Variants in NEUROG3 observed in about 807,000 individuals in gnomAD.
NEUROG3 encodes neurogenin-3.
For missense variants in NEUROG3, 307 were observed against 297.9 expected (o/e 1.03, Z -0.22); for synonymous variants, 161 against 139.2 (o/e 1.16, Z -1.10).
rs779682904 is a variant in NEUROG3, at chr10:69,572,981, G to A, written c.63C>T (p.Phe21=). The change falls in exon 2 of 2, where the codon TTC becomes TTT. Residue 21 remains phenylalanine (F), a synonymous_variant. Transcript: ENST00000242462. Reference sequence around the variant, plus strand: ...TCACTTCGTCTTCCGAGGCTCTGGGGAAGGACCGCTCCGTCTCACGGGTCA... The same window carrying A: ...TCACTTCGTCTTCCGAGGCTCTGGGAAAGGACCGCTCCGTCTCACGGGTCA... ...VQVTRETERS[F]PRASEDEVTC... The A allele has an allele frequency of 2.5e-6, 4 of 1,613,670 alleles. No homozygotes were observed. The highest frequency in any genetic ancestry group is 2.2e-5 in the South Asian group (2 of 91,080).
At position 69,572,078 on chromosome 10, in the gene NEUROG3, G is replaced by T. The variant is rs995375150; in HGVS notation, c.*321C>A. On this transcript the variant is annotated 3_prime_UTR_variant, in exon 2 of 2. Transcript: ENST00000242462. Reference sequence around the variant, plus strand: ...CCCAAGACGGTGGGCGGCTCCGGCCGGGTAGTGCTACCATTCTAGTATTCT... The same window carrying T: ...CCCAAGACGGTGGGCGGCTCCGGCCTGGTAGTGCTACCATTCTAGTATTCT... The T allele has an allele frequency of 7.5e-6, 3 of 399,978 alleles. No individual in the cohort carries two copies. The highest frequency in any genetic ancestry group is 1.4e-5 in the Non-Finnish European group (3 of 219,790). 24.8% of individuals were successfully genotyped at this position (399,978 alleles called of 1,614,324 possible).
In NEUROG3 at chr10:69,572,330, T is replaced by C. The variant is rs41277232; in HGVS notation, c.*69A>G. The C allele has an allele frequency of 2.9e-5, 45 of 1,529,224 alleles. No individual in the cohort carries two copies. The highest frequency in any genetic ancestry group is 3.9e-5 in the Non-Finnish European group (44 of 1,138,646). 94.7% of individuals were successfully genotyped at this position (1,529,224 alleles called of 1,614,324 possible). On this transcript the variant is annotated 3_prime_UTR_variant, in exon 2 of 2. Transcript: ENST00000242462. Reference sequence around the variant, plus strand: ...TGAGGGCCGCCGCCGTCGGCCACCCTCTACGGCTCCCGGCTCCCTCCCTCT... The same window carrying C: ...TGAGGGCCGCCGCCGTCGGCCACCCCCTACGGCTCCCGGCTCCCTCCCTCT...
Position 69,572,550 on chromosome 10 carries a change from G to T in NEUROG3, c.494C>A (p.Ser165Tyr), listed in dbSNP as rs761527560. The T allele has an allele frequency of 1.2e-6, 2 of 1,609,836 alleles. No individual in the cohort carries two copies. The highest frequency in any genetic ancestry group is 1.7e-6 in the Non-Finnish European group (2 of 1,178,078). Residue 165 changes from serine (S) to tyrosine (Y), a missense_variant, in exon 2 of 2, where the codon TCC becomes TAC. Ser to Tyr is a moderately radical substitution (Grantham distance 144, BLOSUM62 -2). Transcript: ENST00000242462. The part of the protein sequence containing the change: ...HCGELGSPGG[S>Y]PGDWGSLYSP... The stretch of plus-strand genomic sequence containing the variant: ...GTAGAGGGACCCCCAGTCCCCGGGG[G>T]AACCGCCTGGGCTGCCCAGCTCCCC...
downstream of NEUROG3, chr10:69,571,617 G>A (rs1839209312): frequency 6.6e-6 from 1 of 152,160 alleles, no homozygotes; most frequent in Non-Finnish European, 1.5e-5. Flanking sequence ...CAGGGGAGGG[G>A]CCATATAATT....
At position 69,572,727 on chromosome 10, in the gene NEUROG3, AG is replaced by A; in HGVS notation, c.316del (p.Leu106CysfsTer30). ...MHNLNSALDA[L>X]RGVLPTFPDD... ...TGGGAAGGTGGGCAGGACACCGCGC[AG>A]GGCGTCCAGTGCCGAGTTGAGGTTG... On this transcript the variant is annotated frameshift_variant, in exon 2 of 2. Coordinates refer to ENST00000242462, the MANE Select transcript of NEUROG3 (RefSeq NM_020999.4). LOFTEE classifies it low-confidence loss of function (END_TRUNC). 1 of 1,614,134 alleles carries A rather than the reference AG, an allele frequency of 6.2e-7. No individual in the cohort carries two copies. Among genetic ancestry groups the A allele is most frequent in the Non-Finnish European group, 8.5e-7 (1 of 1,179,964 alleles).
Position 69,572,546 on chromosome 10 carries a change from G to T in NEUROG3, c.498C>A (p.Pro166=). 1.2e-6 allele frequency: 2 copies of T among 1,608,318 alleles called. No individual in the cohort carries two copies. Among genetic ancestry groups the T allele is most frequent in the Non-Finnish European group, 1.7e-6 (2 of 1,177,250 alleles). The change falls in exon 2 of 2, where the codon CCC becomes CCA. Residue 166 remains proline (P), a synonymous_variant. Transcript: ENST00000242462. The part of the protein sequence containing the change: ...CGELGSPGGS[P]GDWGSLYSPV... ...GGGAGTAGAGGGACCCCCAGTCCCC[G>T]GGGGAACCGCCTGGGCTGCCCAGCT...
At position 69,572,016 on chromosome 10, in the gene NEUROG3, A is replaced by T. The variant is rs1219413208; in HGVS notation, c.*383T>A. 2.1e-5 allele frequency: 6 copies of T among 279,560 alleles called. No individual in the cohort carries two copies. In the East Asian group the frequency reaches 4.8e-4, roughly 22 times the overall value. The allele number at this position is 279,560 out of a possible 1,614,324, so 17.3% of individuals were successfully genotyped here. ...CACATTGGAGGAGGGGTGGTAAGAG[A>T]CTGAGAGGCAGACAGACTTGAGTGA... On this transcript the variant is annotated 3_prime_UTR_variant, in exon 2 of 2. Transcript: ENST00000242462.
In NEUROG3 at chr10:69,572,969, C is replaced by G. The variant is rs1299066089; in HGVS notation, c.75G>C (p.Ser25=). 5.0e-6 allele frequency: 8 copies of G among 1,613,492 alleles called. No homozygotes were observed. Among genetic ancestry groups the G allele is most frequent in the Non-Finnish European group, 6.8e-6 (8 of 1,180,008 alleles). Residue 25 remains serine, a synonymous_variant, in exon 2 of 2, where the codon TCG becomes TCC. Transcript: ENST00000242462. The part of the protein sequence containing the change: ...RETERSFPRA[S]EDEVTCPTSA... ...ACGTGGGGCAGGTCACTTCGTCTTCCGAGGCTCTGGGGAAGGACCGCTCCG... is the reference window on the plus strand; with the variant it reads ...ACGTGGGGCAGGTCACTTCGTCTTCGGAGGCTCTGGGGAAGGACCGCTCCG...
rs2133226334 is a variant in NEUROG3, at chr10:69,572,299, T to C, written c.*100A>G. The C allele has an allele frequency of 4.4e-6, 6 of 1,350,968 alleles. No individual in the cohort carries two copies. Among genetic ancestry groups the C allele is most frequent in the Admixed American group, 2.0e-5 (1 of 49,294 alleles). The allele number at this position is 1,350,968 out of a possible 1,614,324, so 83.7% of individuals were successfully genotyped here. On this transcript the variant is annotated 3_prime_UTR_variant, in exon 2 of 2. Transcript: ENST00000242462. ...GCCAGGGAGAAGCAGAAGGAACAAG[T>C]GCTTTTGAGGGCCGCCGCCGTCGGC...
rs1201706401 is a variant in NEUROG3, at chr10:69,573,232, A to G, written c.-24T>C. 2 of 666,840 alleles carry G rather than the reference A, an allele frequency of 3.0e-6. No individual in the cohort carries two copies. The highest frequency in any genetic ancestry group is 1.8e-5 in the African/African-American group (1 of 54,966). 41.3% of individuals were successfully genotyped at this position (666,840 alleles called of 1,614,324 possible). A position where few individuals can be genotyped will look rare whatever the true frequency, so the allele number is the denominator to read the frequency against. On this transcript the variant is annotated 5_prime_UTR_variant, in exon 1 of 2. Transcript: ENST00000242462. ...TACCTTTCTACCGGCGCAAAAGAAT[A>G]GAGAGCGATGAGCAGCGAGGGCCGT...
rs1839214419 is a variant in NEUROG3, at chr10:69,571,976, A to C, written c.*423T>G. The C allele has an allele frequency of 4.9e-6, 1 of 204,886 alleles. No individual in the cohort carries two copies. The highest frequency in any genetic ancestry group is 9.9e-6 in the Non-Finnish European group (1 of 100,830). 12.7% of individuals were successfully genotyped at this position (204,886 alleles called of 1,614,324 possible). ...AAGGGGAGTAAGCGCTGAGAGACCA[A>C]ACATTGGATTGAATCACATTGGAGG... On this transcript the variant is annotated 3_prime_UTR_variant, in exon 2 of 2. Transcript: ENST00000242462.
rs1274537258 is a variant in NEUROG3, at chr10:69,571,736, G to T, written c.*663C>A. 6.6e-6 allele frequency: 1 copy of T among 152,254 alleles called. No individual in the cohort carries two copies. Among genetic ancestry groups the T allele is most frequent in the Non-Finnish European group, 1.5e-5 (1 of 68,046 alleles). The allele number at this position is 152,254 out of a possible 1,614,324, so 9.4% of individuals were successfully genotyped here. A position where few individuals can be genotyped will look rare whatever the true frequency, so the allele number is the denominator to read the frequency against. ...CTGCAGCGCAGCTCACGTTTCAGGCGCAGTTCGCAGGGAGGCTGGGGAGAT... is the reference window on the plus strand; with the variant it reads ...CTGCAGCGCAGCTCACGTTTCAGGCTCAGTTCGCAGGGAGGCTGGGGAGAT... On this transcript the variant is annotated 3_prime_UTR_variant, in exon 2 of 2. Transcript: ENST00000242462.
chr10:69,572,602 C>G lies in NEUROG3; in HGVS notation c.442G>C (p.Ala148Pro). The change falls in exon 2 of 2, where the codon GCG (alanine) becomes CCG (proline). Residue 148 changes from alanine (A) to proline (P), a missense_variant. By Grantham distance (27) the Ala-to-Pro change is conservative. Coordinates refer to ENST00000242462, the MANE Select transcript of NEUROG3 (RefSeq NM_020999.4). ...CAGTGCGGCGCCGGCGGCTCCAGCG[C>G]GTACAAGCTGTGGTCCGCTATGCGC... ...TLRIADHSLY[A>P]LEPPAPHCGE... is the part of the protein sequence containing the mutation. 1.2e-6 allele frequency: 2 copies of G among 1,613,968 alleles called. No individual in the cohort carries two copies. Among genetic ancestry groups the G allele is most frequent in the Non-Finnish European group, 8.5e-7 (1 of 1,179,914 alleles).
Position 69,573,150 on chromosome 10 carries a change from C to T in NEUROG3, c.-2+60G>A, listed in dbSNP as rs1034921401. ...ACAAAAACAGCCATCCTCCCAGCCCCCGCTGGGTCAGAGGATCCCTCTTTC... is the reference window on the plus strand; with the variant it reads ...ACAAAAACAGCCATCCTCCCAGCCCTCGCTGGGTCAGAGGATCCCTCTTTC... On this transcript the variant is annotated intron_variant, in intron 1 of 1. Coordinates refer to ENST00000242462, the MANE Select transcript of NEUROG3 (RefSeq NM_020999.4). 9.3e-6 allele frequency: 12 copies of T among 1,292,774 alleles called. No individual in the cohort carries two copies. The East Asian group carries it at 2.1e-4, about 23-fold the overall frequency. The allele number at this position is 1,292,774 out of a possible 1,614,324, so 80.1% of individuals were successfully genotyped here.
downstream of NEUROG3, among the ~76,000 whole-genome samples, chr10:69,571,528 A>G (rs190262852): frequency 6.6e-6 from 1 of 152,172 alleles, no homozygotes; most frequent in African/African-American, 2.4e-5. Flanking sequence ...CTCATCCAGC[A>G]ATCCCTAAAT....
rs757446827 is a variant in NEUROG3, at chr10:69,572,589, G to A, written c.455C>T (p.Pro152Leu). The change falls in exon 2 of 2, where the codon CCG (proline) becomes CTG (leucine). Residue 152 changes from proline (P) to leucine (L), a missense_variant. Coordinates refer to ENST00000242462, the MANE Select transcript of NEUROG3 (RefSeq NM_020999.4). The part of the protein sequence containing the change: ...ADHSLYALEP[P>L]APHCGELGSP... ...GCCCAGCTCCCCGCAGTGCGGCGCC[G>A]GCGGCTCCAGCGCGTACAAGCTGTG... The A allele has an allele frequency of 5.0e-6, 8 of 1,613,686 alleles. No individual in the cohort carries two copies. Among genetic ancestry groups the A allele is most frequent in the Non-Finnish European group, 6.8e-6 (8 of 1,179,830 alleles).
In NEUROG3 at chr10:69,571,852, C is replaced by CAG. The variant is rs1839212366; in HGVS notation, c.*545_*546dup. ...CTCCGAAAAGTGCACGAGGAGAAGG[C>CAG]AGAGGGTCGCCTTCGTGGCTTTAAG... On this transcript the variant is annotated 3_prime_UTR_variant, in exon 2 of 2. Transcript: ENST00000242462. 1 of 152,828 alleles carries CAG rather than the reference C, an allele frequency of 6.5e-6. No homozygotes were observed. The highest frequency in any genetic ancestry group is 1.5e-5 in the Non-Finnish European group (1 of 68,550). The allele number at this position is 152,828 out of a possible 1,614,324, so 9.5% of individuals were successfully genotyped here.
At position 69,572,352 on chromosome 10, in the gene NEUROG3, C is replaced by T. The variant is rs1490120314; in HGVS notation, c.*47G>A. 4 of 1,562,286 alleles carry T rather than the reference C, an allele frequency of 2.6e-6. No individual in the cohort carries two copies. The highest frequency in any genetic ancestry group is 2.4e-5 in the East Asian group (1 of 42,496). On this transcript the variant is annotated 3_prime_UTR_variant, in exon 2 of 2. Coordinates refer to ENST00000242462, the MANE Select transcript of NEUROG3 (RefSeq NM_020999.4). ...CCCTCTACGGCTCCCGGCTCCCTCCCTCTCCCTTACCCTTAGCACCCACAG... is the reference window on the plus strand; with the variant it reads ...CCCTCTACGGCTCCCGGCTCCCTCCTTCTCCCTTACCCTTAGCACCCACAG...
Position 69,572,397 on chromosome 10 carries a change from T to G in NEUROG3, c.*2A>C, listed in dbSNP as rs1176384119. ...CCACAGCCCAGCGACAGACAGGTCC[T>G]TTCACAGAAAATCTGAGAAAGCCAG... On this transcript the variant is annotated 3_prime_UTR_variant, in exon 2 of 2. Coordinates refer to ENST00000242462, the MANE Select transcript of NEUROG3 (RefSeq NM_020999.4). The G allele has an allele frequency of 6.3e-7, 1 of 1,585,000 alleles. No homozygotes were observed. The highest frequency in any genetic ancestry group is 1.7e-5 in the Admixed American group (1 of 58,450).
Sources: gnomAD v4.1 joint callset for allele counts (sites outside exome capture counted in the v4.1 genomes callset) on GRCh38, gnomAD v4.1.1 for gene constraint, MANE v1.5 for transcripts, NCBI Gene and HGNC (gene_info 2026-07-23, HGNC 2026-07-21) for gene names.